Variants in SLC24A4 observed in about 807,000 individuals in gnomAD.
SLC24A4 encodes sodium/potassium/calcium exchanger 4.
SLC24A4 carries 53 observed loss-of-function variants against 79.0 expected under a neutral mutation model. The observed-to-expected ratio is 0.67, with a 90% CI of 0.54 to 0.84. The LOEUF (loss-of-function observed/expected upper bound fraction) is 0.84, where lower values mean the gene tolerates loss of function less well. Ranked by LOEUF, SLC24A4 falls within the 40% of genes least tolerant of loss-of-function variation. The pLI is 0.00. For missense variants in SLC24A4, 731 were observed against 822.0 expected, an observed-to-expected ratio of 0.89 and a Z score of 1.35; for synonymous variants, 323 against 323.8, an observed-to-expected ratio of 1.00 and a Z score of 0.03.
chr14:92,414,166 C>G (rs1272230630), intron 2 of SLC24A4, among the ~76,000 whole-genome samples: 1 of 152,060 alleles, frequency 6.6e-6, no homozygotes, highest in Admixed American at 6.5e-5. Context: ...CTATTGGCAT[C>G]GGGGGCTGGA....
intron 2 of SLC24A4, among the ~76,000 whole-genome samples, chr14:92,354,796 A>G (rs746312266): frequency 6.6e-6 from 1 of 152,074 alleles, no homozygotes; most frequent in Non-Finnish European, 1.5e-5. Flanking sequence ...GATGCTGGCT[A>G]GGCATGGTGG....
At chr14:92,386,839 CG>C (rs1889184935) in intron 2 of SLC24A4, among the ~76,000 whole-genome samples, 1 of 152,170 alleles carries the variant, frequency 6.6e-6, no homozygotes, top group Non-Finnish European at 1.5e-5. Context: ...AACCTTGAGG[CG>C]GGGTTCATTC....
At chr14:92,463,174 T>G (rs1893911735) in intron 12 of SLC24A4, among the ~76,000 whole-genome samples, 1 of 152,202 alleles carries the variant, frequency 6.6e-6, no homozygotes, top group Non-Finnish European at 1.5e-5. Flanking sequence ...CGGGAAGCTT[T>G]TAGAGCTTTT....
intron 3 of SLC24A4, among the ~76,000 whole-genome samples, chr14:92,435,786 C>T (rs1404216404): frequency 1.3e-4 from 20 of 152,184 alleles, no homozygotes; most frequent in Admixed American, 8.5e-4. Context: ...ACATTTTGAA[C>T]GACAGACCTG....
intron 2 of SLC24A4, among the ~76,000 whole-genome samples, chr14:92,427,417 A>G (rs1891623585): frequency 6.6e-6 from 1 of 152,272 alleles, no homozygotes; most frequent in African/African-American, 2.4e-5. Flanking sequence ...CAGACCGTGC[A>G]GGGCCTTGAA....
chr14:92,354,236 C>T (rs924406551), intron 2 of SLC24A4, among the ~76,000 whole-genome samples: 5 of 151,882 alleles, frequency 3.3e-5, no homozygotes, highest in South Asian at 4.2e-4. Flanking sequence ...GCGCGATCTC[C>T]GCCTCCCGGG....
chr14:92,432,272 T>C (rs4262879), intron 2 of SLC24A4, among the ~76,000 whole-genome samples: 26,812 of 152,216 alleles, frequency 0.18, 3,529 homozygotes, highest in African/African-American at 0.37. Context: ...CCAACGCCCC[T>C]TCCCTGCTGG....
At chr14:92,408,969 G>A (rs1426207166) in intron 2 of SLC24A4, among the ~76,000 whole-genome samples, 1 of 152,218 alleles carries the variant, frequency 6.6e-6, no homozygotes, top group African/African-American at 2.4e-5. Context: ...GAGAAAAGGT[G>A]TGGGAAAGGA....
At chr14:92,485,270 C>G (rs1234365344) in intron 13 of SLC24A4, among the ~76,000 whole-genome samples, 1 of 152,076 alleles carries the variant, frequency 6.6e-6, no homozygotes, top group East Asian at 1.9e-4. Context: ...TCAAGACCAG[C>G]CTGGGCAACA....
At chr14:92,484,866 T>A (rs1481536696) in intron 13 of SLC24A4, 17 of 985,424 alleles carry the variant, frequency 1.7e-5, no homozygotes, top group Non-Finnish European at 1.9e-5. Context: ...AGTCAGATGA[T>A]CATGAGCGTT....
intron 10 of SLC24A4, among the ~76,000 whole-genome samples, chr14:92,449,877 T>A (rs1202776384): frequency 2.0e-5 from 3 of 152,240 alleles, no homozygotes; most frequent in Non-Finnish European, 4.4e-5. Context: ...CAGAGCCATC[T>A]GCTGTCGTGT....
intron 2 of SLC24A4, among the ~76,000 whole-genome samples, chr14:92,332,336 G>T (rs1039871126): frequency 1.1e-4 from 17 of 152,176 alleles, no homozygotes; most frequent in African/African-American, 4.1e-4. Context: ...TATGTAATCA[G>T]TAAGGCTTCT....
chr14:92,387,563 C>T (rs1261571907), intron 2 of SLC24A4, among the ~76,000 whole-genome samples: 2 of 152,188 alleles, frequency 1.3e-5, no homozygotes, highest in Non-Finnish European at 2.9e-5. Flanking sequence ...ATATATATAA[C>T]ATAAAATGCA....
At chr14:92,449,351 G>A in intron 10 of SLC24A4, 135 bp downstream of exon 10, 1 of 1,254,310 alleles carries the variant, frequency 8.0e-7, no homozygotes, top group Non-Finnish European at 1.1e-6. Flanking sequence ...CCTCTAAATT[G>A]TCACTCTCTT....
chr14:92,442,012 C>A, intron 4 of SLC24A4, 77 bp from the exon 5 acceptor site: 1 of 1,180,336 alleles, frequency 8.5e-7, no homozygotes, highest in Non-Finnish European at 1.3e-6. Flanking sequence ...CCTGCATGCT[C>A]CTTGGCTGTA....
chr14:92,425,572 C>G (rs943117275), intron 2 of SLC24A4, among the ~76,000 whole-genome samples: 1 of 152,198 alleles, frequency 6.6e-6, no homozygotes, highest in Admixed American at 6.5e-5. Context: ...CCTGTATGGA[C>G]CAGCCATTGT....
rs1334612994 is a variant in SLC24A4, at chr14:92,398,681, AG to A, written c.242-35230del. ...CATACCCCTTCCTCGTGTTAGCCAAAGCGAGAAGGGGGGTTACTGTAGTTGC... is the reference window on the plus strand; with the variant it reads ...CATACCCCTTCCTCGTGTTAGCCAAACGAGAAGGGGGGTTACTGTAGTTGC... On this transcript the variant is annotated intron_variant, in intron 2 of 16. Transcript: ENST00000532405. This position sits in a 1 kb window ranked among gnomAD's most constrained non-coding sequence, Gnocchi z 4.1. 6.6e-6 allele frequency among the ~76,000 whole-genome samples: 1 copy of A among 152,208 alleles called. No homozygotes were observed. Among genetic ancestry groups the A allele is most frequent in the African/African-American group, 2.4e-5 (1 of 41,454 alleles).
chr14:92,337,496 G>T (rs1402477586), intron 2 of SLC24A4, among the ~76,000 whole-genome samples: 2 of 152,204 alleles, frequency 1.3e-5, no homozygotes, highest in Non-Finnish European at 2.9e-5. Flanking sequence ...TAGCCTGTCG[G>T]TGCCTTGGGG....
In SLC24A4 at chr14:92,498,276, C is replaced by T. The variant is rs1896001279; in HGVS notation, c.*4648C>T. 6.6e-6 allele frequency: 1 copy of T among 152,180 alleles called. No individual in the cohort carries two copies. The highest frequency in any genetic ancestry group is 1.5e-5 in the Non-Finnish European group (1 of 68,050). 9.4% of individuals were successfully genotyped at this position (152,180 alleles called of 1,614,324 possible). A position where few individuals can be genotyped will look rare whatever the true frequency, so the allele number is the denominator to read the frequency against. On this transcript the variant is annotated 3_prime_UTR_variant, in exon 17 of 17. Coordinates refer to ENST00000532405, the MANE Select transcript of SLC24A4 (RefSeq NM_153646.4). Reference sequence around the variant, plus strand: ...GCTTCTCAAAGCATGGAGAGGGGCCCTTCCTGTCCTTTGGGAAAATCTTCC... The same window carrying T: ...GCTTCTCAAAGCATGGAGAGGGGCCTTTCCTGTCCTTTGGGAAAATCTTCC...
Sources: gnomAD v4.1 joint callset for allele counts (sites outside exome capture counted in the v4.1 genomes callset) on GRCh38, gnomAD v4.1.1 for gene constraint, Gnocchi (gnomAD v3.1) non-coding constraint, MANE v1.5 for transcripts, NCBI Gene and HGNC (gene_info 2026-07-23, HGNC 2026-07-21) for gene names.